The following CNTN1 variants were observed in gnomAD, a reference collection of about 807,000 sequenced individuals.
The protein encoded by CNTN1 is contactin 1, also known as contactin-1.
CNTN1 carries 38 observed loss-of-function variants against 126.4 expected under a neutral mutation model. That is an observed-to-expected ratio of 0.30 (90% CI 0.23 to 0.39). The LOEUF is 0.39. CNTN1 is among the 10% of genes least tolerant of loss of function. The pLI, the probability that CNTN1 is intolerant of heterozygous loss-of-function variation, is 1.00. For synonymous variants in CNTN1, 413 were observed against 422.6 expected, an observed-to-expected ratio of 0.98 and a Z score of 0.28; for missense variants, 1,009 against 1,248.4, an observed-to-expected ratio of 0.81 and a Z score of 2.89.
In CNTN1 at chr12:40,933,321, T is replaced by C; in HGVS notation, c.704-140T>C. 4 of 680,014 alleles carry C rather than the reference T, an allele frequency of 5.9e-6. 1 individual carries two copies. The South Asian group carries it at 6.5e-5, about 11-fold the overall frequency. 42.1% of individuals were successfully genotyped at this position (680,014 alleles called of 1,614,324 possible). A position where few individuals can be genotyped will look rare whatever the true frequency, so the allele number is the denominator to read the frequency against. On this transcript the variant is annotated intron_variant, in intron 7 of 23. Transcript: ENST00000551295. ...TACTGTGCATAAACAAACAAGTCTATCCATTATGATATGACCTGTACCTGT... is the reference window on the plus strand; with the variant it reads ...TACTGTGCATAAACAAACAAGTCTACCCATTATGATATGACCTGTACCTGT...
intron 1 of CNTN1, among the ~76,000 whole-genome samples, chr12:40,850,726 G>A (rs1222680506): frequency 4.6e-5 from 7 of 152,226 alleles, no homozygotes; most frequent in Non-Finnish European, 8.8e-5. Flanking sequence ...TGAGATTATG[G>A]TTGGTGTAGA....
At chr12:40,936,115 T>G (rs1946071777) in intron 9 of CNTN1, among the ~76,000 whole-genome samples, 1 of 152,142 alleles carries the variant, frequency 6.6e-6, no homozygotes, top group African/African-American at 2.4e-5. Flanking sequence ...AAAATATTTT[T>G]TCTTTGGAAA....
intron 23 of CNTN1, among the ~76,000 whole-genome samples, chr12:41,040,777 T>G (rs1949385708): frequency 6.7e-6 from 1 of 150,318 alleles, no homozygotes; most frequent in Non-Finnish European, 1.5e-5. Flanking sequence ...ATCCTGAGAC[T>G]TTGCTGAAGT....
chr12:40,945,376 T>C (rs577488254), intron 14 of CNTN1, among the ~76,000 whole-genome samples: 2 of 152,200 alleles, frequency 1.3e-5, no homozygotes, highest in East Asian at 3.9e-4. Context: ...GTTTTATTCA[T>C]TTTAAAGGAA....
At chr12:40,940,528 T>C (rs1315068209) in intron 12 of CNTN1, among the ~76,000 whole-genome samples, 3 of 152,174 alleles carry the variant, frequency 2.0e-5, no homozygotes, top group African/African-American at 7.2e-5. Flanking sequence ...TAAAGTAACA[T>C]GGGAATTATC....
chr12:41,044,079 G>A (rs1393284329), intron 23 of CNTN1, among the ~76,000 whole-genome samples: 1 of 150,348 alleles, frequency 6.7e-6, no homozygotes, highest in Non-Finnish European at 1.5e-5. Flanking sequence ...CAGCACAACA[G>A]CATGGCACAT....
chr12:40,807,580 G>A (rs1326139356), intron 1 of CNTN1, among the ~76,000 whole-genome samples: 1 of 152,168 alleles, frequency 6.6e-6, no homozygotes, highest in Non-Finnish European at 1.5e-5. Flanking sequence ...TAAATGTAGA[G>A]TGATTAGAAG....
intron 1 of CNTN1, among the ~76,000 whole-genome samples, chr12:40,791,911 A>G (rs532694157): frequency 1.3e-5 from 2 of 152,098 alleles, no homozygotes; most frequent in African/African-American, 2.4e-5. Flanking sequence ...AGTCTGATCA[A>G]TCTACTCATG....
At chr12:40,893,085 G>A (rs1944297884) in intron 1 of CNTN1, among the ~76,000 whole-genome samples, 1 of 151,920 alleles carries the variant, frequency 6.6e-6, no homozygotes, top group South Asian at 2.1e-4. Context: ...AATAAAGAAT[G>A]TATGGTCACA....
chr12:40,819,785 G>C (rs151167815), intron 1 of CNTN1, among the ~76,000 whole-genome samples: 3 of 152,300 alleles, frequency 2.0e-5, no homozygotes, highest in South Asian at 2.1e-4. Flanking sequence ...GGGACACTAG[G>C]CTCTGGTGGT....
intron 14 of CNTN1, 68 bp from the exon 15 acceptor site, chr12:40,959,046 T>C: frequency 6.2e-7 from 1 of 1,601,676 alleles, no homozygotes; most frequent in Non-Finnish European, 8.5e-7. Context: ...AACTACCTCT[T>C]GGATCTTAAA....
chr12:40,892,334 TTTTG>T (rs202168505), intron 1 of CNTN1, among the ~76,000 whole-genome samples: 25 of 152,222 alleles, frequency 1.6e-4, no homozygotes, highest in Non-Finnish European at 1.9e-4. Flanking sequence ...TCTCAATGGA[TTTTG>T]TTTGTTTGTT....
At chr12:41,008,273 T>A (rs552985249) in intron 17 of CNTN1, among the ~76,000 whole-genome samples, 106 of 152,336 alleles carry the variant, frequency 7.0e-4, no homozygotes, top group African/African-American at 2.4e-3. Flanking sequence ...TTGCCACTAT[T>A]AGTGGAGGTA....
chr12:40,970,982 A>T (rs562341199), intron 15 of CNTN1, among the ~76,000 whole-genome samples: 7 of 152,148 alleles, frequency 4.6e-5, no homozygotes, highest in Non-Finnish European at 8.8e-5. Context: ...ATATAACTCA[A>T]GACACAGTTC....
chr12:40,988,040 G>C (rs1292584764), intron 16 of CNTN1, among the ~76,000 whole-genome samples: 1 of 151,910 alleles, frequency 6.6e-6, no homozygotes, highest in Non-Finnish European at 1.5e-5. Flanking sequence ...CTTAGAGAAG[G>C]ATCAAGGATT....
intron 1 of CNTN1, among the ~76,000 whole-genome samples, chr12:40,865,720 T>C (rs1049666989): frequency 6.6e-6 from 1 of 152,068 alleles, no homozygotes; most frequent in Non-Finnish European, 1.5e-5. Context: ...TCTTGATTAT[T>C]GTTACTTTGT....
Position 41,071,491 on chromosome 12 carries a change from T to A in CNTN1, c.*1456T>A, listed in dbSNP as rs1950159406. On this transcript the variant is annotated 3_prime_UTR_variant, in exon 24 of 24. Transcript: ENST00000551295. ...CTTTTTAGAAAGGACACCGTATAGG[T>A]TCGTAAAAAATATTTACAGGAAGCA... 6.6e-6 allele frequency: 1 copy of A among 152,200 alleles called. No individual in the cohort carries two copies. Among genetic ancestry groups the A allele is most frequent in the African/African-American group, 2.4e-5 (1 of 41,456 alleles). The allele number at this position is 152,200 out of a possible 1,614,324, so 9.4% of individuals were successfully genotyped here.
At chr12:40,848,825 G>GTTTTT (rs11318215) in intron 1 of CNTN1, among the ~76,000 whole-genome samples, 4 of 135,868 alleles carry the variant, frequency 2.9e-5, no homozygotes, top group Non-Finnish European at 6.3e-5. Flanking sequence ...CACCAGGTGT[G>GTTTTT]TTTTTTTTTT....
chr12:40,918,068 C>G (rs538595499), intron 3 of CNTN1, among the ~76,000 whole-genome samples: 14 of 152,274 alleles, frequency 9.2e-5, no homozygotes, highest in African/African-American at 2.9e-4. Context: ...GTTTTCCAGA[C>G]AACCCAGGAG....
Sources: gnomAD v4.1 joint callset for allele counts (sites outside exome capture counted in the v4.1 genomes callset) on GRCh38, gnomAD v4.1.1 for gene constraint, MANE v1.5 for transcripts, NCBI Gene and HGNC (gene_info 2026-07-23, HGNC 2026-07-21) for gene names.